The following GPHN variants were observed in gnomAD, a reference collection of about 807,000 sequenced individuals.
GPHN encodes the protein gephyrin.
GPHN carries 17 observed loss-of-function variants against 95.5 expected under a neutral mutation model. The ratio of observed to expected loss-of-function variants is 0.18; its 90% CI spans 0.12 to 0.27. The LOEUF is 0.27. Ranked by LOEUF, GPHN falls within the 10% of genes least tolerant of loss-of-function variation. GPHN has a pLI of 1.00. For synonymous variants in GPHN, 320 were observed against 322.5 expected, an observed-to-expected ratio of 0.99 and a Z score of 0.08; for missense variants, 660 against 978.1, an observed-to-expected ratio of 0.67 and a Z score of 4.34.
chr14:67,514,837 TC>T, the GPHN span, among the ~76,000 whole-genome samples: 1 of 151,812 alleles, frequency 6.6e-6, no homozygotes, highest in Non-Finnish European at 1.5e-5. Flanking sequence ...TGTGCGCCCA[TC>T]CCCCGCAGGG....
chr14:66,801,491 A>G (rs977112898), intron 3 of GPHN, among the ~76,000 whole-genome samples: 1 of 152,178 alleles, frequency 6.6e-6, no homozygotes, highest in Non-Finnish European at 1.5e-5. Flanking sequence ...TGGATTATCA[A>G]GCAGGCTATT....
intron 9 of GPHN, among the ~76,000 whole-genome samples, chr14:66,986,758 C>T (rs1192960865): frequency 6.6e-6 from 1 of 151,996 alleles, no homozygotes; most frequent in African/African-American, 2.4e-5. Context: ...TTAATGACTA[C>T]CTTGAGGCCT....
At chr14:67,369,163 G>A in the GPHN span, among the ~76,000 whole-genome samples, 1 of 152,198 alleles carries the variant, frequency 6.6e-6, no homozygotes, top group Non-Finnish European at 1.5e-5. Flanking sequence ...ATACTTGGTT[G>A]AAAATAAATG....
intron 17 of GPHN, among the ~76,000 whole-genome samples, chr14:67,140,465 C>T (rs2080388076): frequency 6.6e-6 from 1 of 152,044 alleles, no homozygotes; most frequent in Non-Finnish European, 1.5e-5. Context: ...CCTTTATCCC[C>T]CTACAGAGAT....
At chr14:67,580,476 T>C in the GPHN span, among the ~76,000 whole-genome samples, 3 of 152,260 alleles carry the variant, frequency 2.0e-5, no homozygotes, top group South Asian at 6.2e-4. Context: ...TGTTTGCTTG[T>C]CTTTAACAGG....
chr14:66,760,649 G>C lies in GPHN; in HGVS notation c.144-15815G>C, dbSNP rs534349278. 3.1e-5 allele frequency: 13 copies of C among 412,790 alleles called. No homozygotes were observed. The East Asian group carries it at 8.2e-4, about 26-fold the overall frequency. 25.6% of individuals were successfully genotyped at this position (412,790 alleles called of 1,614,324 possible). A position where few individuals can be genotyped will look rare whatever the true frequency, so the allele number is the denominator to read the frequency against. On this transcript the variant is annotated intron_variant, in intron 2 of 22. Coordinates refer to ENST00000478722, the MANE Select transcript of GPHN (RefSeq NM_020806.5). ...TTGTAAATCTAAATGTTATAAAAACGTTAAAAAGAAGCATAATCCTCGCAA... is the reference window on the plus strand; with the variant it reads ...TTGTAAATCTAAATGTTATAAAAACCTTAAAAAGAAGCATAATCCTCGCAA...
At chr14:66,728,565 G>A (rs2071464911) in intron 2 of GPHN, among the ~76,000 whole-genome samples, 2 of 152,226 alleles carry the variant, frequency 1.3e-5, no homozygotes, top group Non-Finnish European at 2.9e-5. Flanking sequence ...GGAGTCAAAG[G>A]AGATCATTTG....
chr14:67,582,679 A>G, the GPHN span, among the ~76,000 whole-genome samples: 13 of 152,064 alleles, frequency 8.5e-5, no homozygotes, highest in African/African-American at 2.4e-4. This position sits in a 1 kb window ranked among gnomAD's most constrained non-coding sequence, Gnocchi z 5.0. Flanking sequence ...AATAAAATAA[A>G]AATAAAAATT....
the GPHN span, among the ~76,000 whole-genome samples, chr14:67,408,290 A>G: frequency 6.9e-5 from 10 of 144,240 alleles, no homozygotes; most frequent in Non-Finnish European, 1.5e-4. Flanking sequence ...CGGTCTCAAA[A>G]TAAATAAATA....
At chr14:67,270,514 A>T in the GPHN span, 1 of 151,558 alleles carries the variant, frequency 6.6e-6, no homozygotes, top group Non-Finnish European at 1.5e-5. Context: ...TCTTCATAAG[A>T]TGGCCTGTTA....
At chr14:67,410,974 T>G in the GPHN span, among the ~76,000 whole-genome samples, 1 of 151,840 alleles carries the variant, frequency 6.6e-6, no homozygotes, top group Middle Eastern at 3.2e-3. Context: ...GGCGAAACCC[T>G]GTCTCCACAA....
chr14:67,191,165 T>C, the GPHN span, among the ~76,000 whole-genome samples: 9 of 152,034 alleles, frequency 5.9e-5, no homozygotes, highest in African/African-American at 1.4e-4. Context: ...ACCCAGGAGG[T>C]AGAGGTTGCA....
the GPHN span, among the ~76,000 whole-genome samples, chr14:67,563,816 C>T: frequency 1.3e-5 from 2 of 150,610 alleles, no homozygotes; most frequent in South Asian, 2.1e-4. Flanking sequence ...TCACTGCAAC[C>T]TCCGCCTCCC....
chr14:67,361,079 A>G, the GPHN span, among the ~76,000 whole-genome samples: 1 of 152,208 alleles, frequency 6.6e-6, no homozygotes, highest in African/African-American at 2.4e-5. Context: ...ATGAGAATAG[A>G]ACTGTGTTAA....
At chr14:67,366,517 T>C in the GPHN span, among the ~76,000 whole-genome samples, 1 of 152,208 alleles carries the variant, frequency 6.6e-6, no homozygotes, top group Non-Finnish European at 1.5e-5. Flanking sequence ...TGTATGGCAT[T>C]AACTAAAACC....
intron 2 of GPHN, among the ~76,000 whole-genome samples, chr14:66,721,884 G>T (rs183114359): frequency 1.8e-3 from 262 of 148,902 alleles, no homozygotes; most frequent in Non-Finnish European, 2.5e-3. Flanking sequence ...CTGGGAGGCG[G>T]AGCTTGCAGT....
the GPHN span, among the ~76,000 whole-genome samples, chr14:67,689,540 T>C: frequency 1.3e-5 from 2 of 152,200 alleles, no homozygotes; most frequent in Non-Finnish European, 2.9e-5. Flanking sequence ...CCTTCCCTCA[T>C]ACTCAGTCTC....
chr14:67,585,400 G>T, the GPHN span: 1 of 593,302 alleles, frequency 1.7e-6, no homozygotes. Context: ...AAGCAGCCTT[G>T]TCTATTTCCT....
the GPHN span, among the ~76,000 whole-genome samples, chr14:67,408,766 CCTT>C: frequency 1.3e-5 from 2 of 152,284 alleles, no homozygotes; most frequent in East Asian, 3.9e-4. Context: ...CTCCAGAACT[CCTT>C]CTGCTCTTTT....
Sources: allele counts gnomAD v4.1 joint callset (sites outside exome capture counted in the v4.1 genomes callset), GRCh38; gene constraint gnomAD v4.1.1; non-coding constraint Gnocchi (gnomAD v3.1); transcripts MANE v1.5; gene names NCBI Gene and HGNC (gene_info 2026-07-23, HGNC 2026-07-21).